LGI1: variants seen among roughly 807,000 people sequenced by gnomAD.
LGI1 encodes leucine rich glioma inactivated 1, also known as leucine-rich glioma-inactivated protein 1.
LGI1 carries 11 observed loss-of-function variants against 57.7 expected under a neutral mutation model. The ratio of observed to expected loss-of-function variants is 0.19; its 90% CI spans 0.12 to 0.32. LGI1 has a LOEUF of 0.32. LGI1 is among the 10% of genes least tolerant of loss of function. LGI1 has a pLI of 1.00. For missense variants in LGI1, 422 were observed against 661.9 expected (o/e 0.64, Z 3.98); for synonymous variants, 222 against 241.9 (o/e 0.92, Z 0.76).
At chr10:93,770,891 T>C (rs1447520164) in intron 2 of LGI1, 1 of 152,224 alleles carries the variant, frequency 6.6e-6, no homozygotes, top group African/African-American at 2.4e-5. Context: ...CAAAACTTAC[T>C]GGATGCATTA....
chr10:93,790,280 A>AT (rs958030526), intron 5 of LGI1, 110 bp downstream of exon 5: 1 of 1,026,216 alleles, frequency 9.7e-7, no homozygotes, highest in Non-Finnish European at 1.4e-6. Flanking sequence ...TAAAATTAGG[A>AT]TTTTTAAATC....
At chr10:93,784,050 G>T (rs998194509) in intron 4 of LGI1, among the ~76,000 whole-genome samples, 1 of 152,134 alleles carries the variant, frequency 6.6e-6, no homozygotes. Context: ...AGTATCTATT[G>T]AGGGCTTACT....
At chr10:93,791,742 G>A in intron 5 of LGI1, 1 of 152,194 alleles carries the variant, frequency 6.6e-6, no homozygotes, top group Non-Finnish European at 1.5e-5. Context: ...AGAACTTGGT[G>A]AGTTGGGGTC....
chr10:93,760,966 G>A (rs1052532040), intron 2 of LGI1, among the ~76,000 whole-genome samples: 5 of 152,154 alleles, frequency 3.3e-5, no homozygotes, highest in Non-Finnish European at 7.4e-5. Flanking sequence ...ATTGTCAGGG[G>A]CCAAAGTTTG....
chr10:93,773,514 T>C (rs1343761355), intron 2 of LGI1, among the ~76,000 whole-genome samples: 2 of 152,200 alleles, frequency 1.3e-5, no homozygotes, highest in Non-Finnish European at 2.9e-5. Flanking sequence ...CAGGAGTCTA[T>C]GACATGTAGG....
intron 5 of LGI1, chr10:93,790,427 G>A (rs745809040): frequency 5.7e-5 from 26 of 453,674 alleles, no homozygotes; most frequent in Non-Finnish European, 8.9e-5. Flanking sequence ...GGCAGGGAGC[G>A]ATGATAAAGG....
intron 4 of LGI1, among the ~76,000 whole-genome samples, chr10:93,783,245 G>A (rs1432501810): frequency 3.3e-5 from 5 of 152,054 alleles, no homozygotes; most frequent in East Asian, 3.9e-4. Context: ...GCGTGGTGGC[G>A]GGCGCCTGTA....
rs931748773 is a variant in LGI1 at position 93,791,581 on chromosome 10, T to C, written c.504-1162T>C. 2.0e-5 allele frequency: 3 copies of C among 152,308 alleles called. No individual in the cohort carries two copies. In the East Asian group the frequency reaches 5.8e-4, roughly 29 times the overall value. The allele number at this position is 152,308 out of a possible 1,614,324, so 9.4% of individuals were successfully genotyped here. A position where few individuals can be genotyped will look rare whatever the true frequency, so the allele number is the denominator to read the frequency against. ...CTTTTAGTGGATTTCTTGGCTTTCTTGAAAGTATCCTCTAAAAAACATTTT... is the reference window on the plus strand; with the variant it reads ...CTTTTAGTGGATTTCTTGGCTTTCTCGAAAGTATCCTCTAAAAAACATTTT... On this transcript the variant is annotated intron_variant, in intron 5 of 7. Transcript: ENST00000371418.
At position 93,775,235 on chromosome 10, in the gene LGI1, C is replaced by T. The variant is rs115224726; in HGVS notation, c.288-2144C>T. On this transcript the variant is annotated intron_variant, in intron 2 of 7. Transcript: ENST00000371418. ...TGCCCCTTGTGTTCTCTTCCAATTA[C>T]TCCTTGCCTCCAAGGGTAACCACTC... 8.5e-3 allele frequency among the ~76,000 whole-genome samples: 1,291 copies of T among 152,294 alleles called. 20 individuals carry two copies. The highest frequency in any genetic ancestry group is 0.03 in the African/African-American group (1,230 of 41,548).
intron 2 of LGI1, chr10:93,768,926 G>A (rs1235391062): frequency 1.3e-5 from 2 of 152,170 alleles, no homozygotes; most frequent in Non-Finnish European, 2.9e-5. Context: ...TGAAGAGTTG[G>A]TAATCTAATT....
intron 5 of LGI1, chr10:93,790,926 C>G (rs1476903070): frequency 6.6e-6 from 1 of 152,096 alleles, no homozygotes; most frequent in Non-Finnish European, 1.5e-5. Flanking sequence ...AAGACAGGAA[C>G]AAATGAAAGG....
Position 93,760,202 on chromosome 10 carries a change from A to G in LGI1, c.287+1371A>G, listed in dbSNP as rs2059608295. On this transcript the variant is annotated intron_variant, in intron 2 of 7. Transcript: ENST00000371418. ...CCCTTCTACTGGCTGATGTCTTCAAATGATTAGCAATTGACTAGATATTCC... is the reference window on the plus strand; with the variant it reads ...CCCTTCTACTGGCTGATGTCTTCAAGTGATTAGCAATTGACTAGATATTCC... Among the ~76,000 whole-genome samples the G allele has an allele frequency of 5.3e-5, 8 of 152,344 alleles. 1 individual carries two copies. The South Asian group carries it at 1.7e-3, about 32-fold the overall frequency.
chr10:93,780,833 T>A (rs1275863729), intron 4 of LGI1, among the ~76,000 whole-genome samples: 1 of 152,058 alleles, frequency 6.6e-6, no homozygotes, highest in Non-Finnish European at 1.5e-5. Context: ...AAAGAAAAGA[T>A]CCTGAAAACA....
chr10:93,758,902 C>A lies in LGI1; in HGVS notation c.287+71C>A. 2 of 1,085,680 alleles carry A rather than the reference C, an allele frequency of 1.8e-6. No homozygotes were observed. Among genetic ancestry groups the A allele is most frequent in the Non-Finnish European group, 2.8e-6 (2 of 707,904 alleles). 67.3% of individuals were successfully genotyped at this position (1,085,680 alleles called of 1,614,324 possible). A position where few individuals can be genotyped will look rare whatever the true frequency, so the allele number is the denominator to read the frequency against. On this transcript the variant is annotated intron_variant, in intron 2 of 7. Transcript: ENST00000371418. This position sits in a 1 kb window ranked among gnomAD's most constrained non-coding sequence, Gnocchi z 4.7. ...TGGATAAGCCTTCTAGTAAAATGAT[C>A]TCAATATTAATTTTGTCAAATGTGA...
intron 4 of LGI1, among the ~76,000 whole-genome samples, chr10:93,787,748 T>TA (rs887072264): frequency 5.3e-5 from 8 of 151,608 alleles, no homozygotes; most frequent in African/African-American, 1.9e-4. Context: ...TCTCTACAAA[T>TA]AAAAAAAACT....
At chr10:93,796,211 C>A (rs916157266) in intron 7 of LGI1, among the ~76,000 whole-genome samples, 1 of 152,172 alleles carries the variant, frequency 6.6e-6, no homozygotes, top group Non-Finnish European at 1.5e-5. Context: ...TCACTCCTGC[C>A]ACCAGTGACC....
At chr10:93,780,974 A>G (rs780557388) in intron 4 of LGI1, among the ~76,000 whole-genome samples, 21 of 152,214 alleles carry the variant, frequency 1.4e-4, no homozygotes, top group Admixed American at 2.6e-4. Flanking sequence ...ATATAAATTT[A>G]GTTCACGCCT....
chr10:93,792,167 C>T (rs1185284727), intron 5 of LGI1: 2 of 152,280 alleles, frequency 1.3e-5, no homozygotes, highest in African/African-American at 4.8e-5. Flanking sequence ...GTATATACAC[C>T]TATTTTTTTC....
At position 93,781,334 on chromosome 10, in the gene LGI1, A is replaced by G. The variant is rs1351322072; in HGVS notation, c.431+3717A>G. Among the ~76,000 whole-genome samples the G allele has an allele frequency of 6.6e-5, 10 of 152,082 alleles. No homozygotes were observed. The South Asian group carries it at 1.0e-3, about 16-fold the overall frequency. On this transcript the variant is annotated intron_variant, in intron 4 of 7. Transcript: ENST00000371418. ...AGATCACGCCATTGCACTCCAGCCT[A>G]GGTGAAAGAGCAAGACTCCGTCTCT... is the stretch of plus-strand genomic sequence containing the variant.
Sources: gnomAD v4.1 joint callset for allele counts (sites outside exome capture counted in the v4.1 genomes callset) on GRCh38, gnomAD v4.1.1 for gene constraint, Gnocchi (gnomAD v3.1) non-coding constraint, MANE v1.5 for transcripts, NCBI Gene and HGNC (gene_info 2026-07-23, HGNC 2026-07-21) for gene names.